The following TMEM132D variants were observed in gnomAD, a reference collection of about 807,000 sequenced individuals.
TMEM132D encodes the protein mature OL transmembrane protein.
A neutral mutation model predicts 62.3 loss-of-function variants in TMEM132D; 21 were observed. The observed-to-expected ratio is 0.34, with a 90% CI of 0.24 to 0.49. TMEM132D has a LOEUF of 0.49. Among genes scored for constraint, TMEM132D ranks in the 20% least tolerant of loss-of-function variants. TMEM132D has a pLI of 0.99. For synonymous variants in TMEM132D, 621 were observed against 575.6 expected, an observed-to-expected ratio of 1.08 and a Z score of -1.13; for missense variants, 1,346 against 1,402.8, an observed-to-expected ratio of 0.96 and a Z score of 0.65.
rs188996555 is a variant in TMEM132D, at chr12:129,825,264, C to T, written c.79+77997G>A. Among the ~76,000 whole-genome samples the T allele has an allele frequency of 6.4e-3, 965 of 151,962 alleles. 13 individuals carry two copies. Among genetic ancestry groups the T allele is most frequent in the African/African-American group, 0.022 (904 of 41,416 alleles). On this transcript the variant is annotated intron_variant, in intron 1 of 8. Coordinates refer to ENST00000422113, the MANE Select transcript of TMEM132D (RefSeq NM_133448.3). ...AACTCCTGACCTCAGGTCATCTGCC[C>T]GCCTTGGCCCCCCCAAACTGCTGGG...
At position 129,074,638 on chromosome 12, in the gene TMEM132D, G is replaced by A. The variant is rs1017392265; in HGVS notation, c.2537C>T (p.Ser846Phe). ...GCCCCGTCCCTCCATGAGTCCCATAGAAGAACTGCCATAGTACTGTCCTTC... is the reference window on the plus strand; with the variant it reads ...GCCCCGTCCCTCCATGAGTCCCATAAAAGAACTGCCATAGTACTGTCCTTC... The part of the protein sequence containing the change: ...SQEGQYYGSS[S>F]MGLMEGRGTT... The change falls in exon 9 of 9, where the codon TCT becomes TTT. Residue 846 changes from serine (S) to phenylalanine (F), a missense_variant. By Grantham distance (155) the Ser-to-Phe change is radical. Coordinates refer to ENST00000422113, the MANE Select transcript of TMEM132D (RefSeq NM_133448.3). 3 of 1,613,986 alleles carry A rather than the reference G, an allele frequency of 1.9e-6. No individual in the cohort carries two copies. The highest frequency in any genetic ancestry group is 2.5e-6 in the Non-Finnish European group (3 of 1,180,026).
intron 1 of TMEM132D, among the ~76,000 whole-genome samples, chr12:129,837,844 C>T (rs1220162868): frequency 6.6e-6 from 1 of 152,170 alleles, no homozygotes; most frequent in Non-Finnish European, 1.5e-5. Context: ...GTGCCACCTG[C>T]AAATGAAAAA....
At chr12:129,197,713 T>A (rs1878587325) in intron 5 of TMEM132D, among the ~76,000 whole-genome samples, 1 of 152,192 alleles carries the variant, frequency 6.6e-6, no homozygotes, top group Non-Finnish European at 1.5e-5. Flanking sequence ...GGAAACACTG[T>A]ATGAGTTGTG....
At chr12:129,874,970 C>A (rs997271758) in intron 1 of TMEM132D, among the ~76,000 whole-genome samples, 2 of 152,198 alleles carry the variant, frequency 1.3e-5, no homozygotes, top group African/African-American at 4.8e-5. Flanking sequence ...AGCCGCCATG[C>A]CCGGGCTGCA....
chr12:129,836,531 T>C (rs763743347), intron 1 of TMEM132D, among the ~76,000 whole-genome samples: 7 of 152,206 alleles, frequency 4.6e-5, no homozygotes, highest in Admixed American at 2.6e-4. Flanking sequence ...CGTGTGTGTG[T>C]GTACCCCGAA....
intron 2 of TMEM132D, among the ~76,000 whole-genome samples, chr12:129,538,948 G>A (rs1804413955): frequency 6.6e-6 from 1 of 152,236 alleles, no homozygotes; most frequent in South Asian, 2.1e-4. Context: ...AGTGACCCCT[G>A]GCGATAGGTC....
intron 3 of TMEM132D, among the ~76,000 whole-genome samples, chr12:129,381,591 A>G (rs10773646): frequency 0.79 from 120,881 of 152,140 alleles, 48,357 homozygotes; most frequent in African/African-American, 0.88. Context: ...TTTCCCCAAC[A>G]TTCTGTGGCT....
intron 2 of TMEM132D, among the ~76,000 whole-genome samples, chr12:129,588,515 T>G (rs998879049): frequency 1.3e-4 from 20 of 152,162 alleles, no homozygotes; most frequent in African/African-American, 4.6e-4. Flanking sequence ...TGCATGGAGT[T>G]GCCAGAGAAG....
At chr12:129,780,209 C>T (rs935963013) in intron 1 of TMEM132D, among the ~76,000 whole-genome samples, 2 of 151,144 alleles carry the variant, frequency 1.3e-5, no homozygotes, top group African/African-American at 2.4e-5. Context: ...ATAGTTTGAT[C>T]TCCCCGTCCC....
At chr12:129,099,148 C>A (rs1875208846) in intron 5 of TMEM132D, among the ~76,000 whole-genome samples, 1 of 152,220 alleles carries the variant, frequency 6.6e-6, no homozygotes, top group African/African-American at 2.4e-5. Context: ...TCCTCAAGCC[C>A]ATTGAATTTC....
At chr12:129,160,822 G>A (rs917559448) in intron 5 of TMEM132D, among the ~76,000 whole-genome samples, 1 of 152,174 alleles carries the variant, frequency 6.6e-6, no homozygotes, top group East Asian at 1.9e-4. Flanking sequence ...TGGAAGACAG[G>A]AGTGGTCAAA....
At chr12:129,168,343 A>G (rs1405955099) in intron 5 of TMEM132D, among the ~76,000 whole-genome samples, 9 of 152,138 alleles carry the variant, frequency 5.9e-5, no homozygotes, top group African/African-American at 1.7e-4. Flanking sequence ...GATTTTTAGT[A>G]TATTCTCAGA....
At chr12:129,582,732 C>A (rs1367894124) in intron 2 of TMEM132D, among the ~76,000 whole-genome samples, 4 of 151,386 alleles carry the variant, frequency 2.6e-5, no homozygotes, top group Non-Finnish European at 4.4e-5. Context: ...GATTCTCCTG[C>A]CTCACCTTCC....
chr12:129,453,646 G>A (rs903062673), intron 3 of TMEM132D, among the ~76,000 whole-genome samples: 19 of 152,206 alleles, frequency 1.2e-4, no homozygotes, highest in South Asian at 4.1e-4. Flanking sequence ...GCTGACTGCT[G>A]TGGGCAGGCC....
chr12:129,441,340 G>A (rs1872930812), intron 3 of TMEM132D, among the ~76,000 whole-genome samples: 1 of 152,146 alleles, frequency 6.6e-6, no homozygotes, highest in South Asian at 2.1e-4. Flanking sequence ...CCCAGGTGTT[G>A]CCCGCACGGT....
chr12:129,513,629 C>T (rs553341582), intron 3 of TMEM132D, among the ~76,000 whole-genome samples: 10 of 150,420 alleles, frequency 6.6e-5, no homozygotes, highest in African/African-American at 2.2e-4. Flanking sequence ...GGACTACAGG[C>T]ACCCACCACC....
intron 4 of TMEM132D, among the ~76,000 whole-genome samples, chr12:129,337,208 T>C (rs1869310571): frequency 1.3e-5 from 2 of 152,188 alleles, no homozygotes; most frequent in Non-Finnish European, 2.9e-5. Context: ...AGGCGGGTGT[T>C]TGCCAAATGT....
At chr12:129,865,419 G>C (rs951398771) in intron 1 of TMEM132D, among the ~76,000 whole-genome samples, 5 of 152,082 alleles carry the variant, frequency 3.3e-5, no homozygotes, top group African/African-American at 1.2e-4. Context: ...CAAAGGCTTG[G>C]TTGTGCAAGA....
chr12:129,558,703 A>G (rs932120202), intron 2 of TMEM132D, among the ~76,000 whole-genome samples: 3 of 152,212 alleles, frequency 2.0e-5, no homozygotes, highest in Non-Finnish European at 4.4e-5. Flanking sequence ...GGGAGTGTCA[A>G]TGACTGATAA....
Sources: gnomAD v4.1 joint callset for allele counts (sites outside exome capture counted in the v4.1 genomes callset) on GRCh38, gnomAD v4.1.1 for gene constraint, MANE v1.5 for transcripts, NCBI Gene and HGNC (gene_info 2026-07-23, HGNC 2026-07-21) for gene names.